Variants in STAT4 observed in about 807,000 individuals in gnomAD.
The protein encoded by STAT4 is signal transducer and activator of transcription 4.
In STAT4, 42 loss-of-function variants were observed where a neutral mutation model predicts 110.5. The ratio of observed to expected loss-of-function variants is 0.38; its 90% confidence interval spans 0.30 to 0.49. The LOEUF (loss-of-function observed/expected upper bound fraction) is 0.49. STAT4 is among the 20% of genes least tolerant of loss of function. STAT4 has a pLI of 0.95. For missense variants in STAT4, 632 were observed against 887.9 expected, an observed-to-expected ratio of 0.71 and a Z score of 3.66; for synonymous variants, 284 against 302.2, an observed-to-expected ratio of 0.94 and a Z score of 0.63.
chr2:191,099,315 AT>A lies in STAT4; in HGVS notation c.274-22991del, dbSNP rs1698095105. On this transcript the variant is annotated intron_variant, in intron 3 of 23. Transcript: ENST00000392320. The surrounding 1 kb of genome is among the most constrained non-coding windows in gnomAD (Gnocchi z 4.1). ...AGGAAAGAAATCTCAAAATATCAGA[AT>A]TTAAAATGCTTATATTTTGACTAGC... Among the ~76,000 whole-genome samples, 1 of 152,160 alleles carries A rather than the reference AT, an allele frequency of 6.6e-6. No individual in the cohort carries two copies. Among genetic ancestry groups the A allele is most frequent in the African/African-American group, 2.4e-5 (1 of 41,464 alleles).
intron 3 of STAT4, among the ~76,000 whole-genome samples, chr2:191,121,245 T>C (rs145111992): frequency 0.11 from 16,729 of 152,134 alleles, 1,155 homozygotes; most frequent in Middle Eastern, 0.2. Flanking sequence ...CCAGTTAGAA[T>C]GGCAATCATT....
rs771795738 is a variant in STAT4, at chr2:191,058,670, C to G, written c.1094+40G>C. On this transcript the variant is annotated intron_variant, in intron 11 of 23. Coordinates refer to ENST00000392320, the MANE Select transcript of STAT4 (RefSeq NM_003151.4). The surrounding 1 kb of genome is among the most constrained non-coding windows in gnomAD (Gnocchi z 4.3). Reference sequence around the variant, plus strand: ...AGGCCATTCATTTTTAAAAGTCTTACATTTGGAATTGTAATTCAAAACGAA... The same window carrying G: ...AGGCCATTCATTTTTAAAAGTCTTAGATTTGGAATTGTAATTCAAAACGAA... 2 of 1,243,338 alleles carry G rather than the reference C, an allele frequency of 1.6e-6. No individual in the cohort carries two copies. Among genetic ancestry groups the G allele is most frequent in the Non-Finnish European group, 2.3e-6 (2 of 865,592 alleles). 77.0% of individuals were successfully genotyped at this position (1,243,338 alleles called of 1,614,324 possible).
chr2:191,127,431 C>A (rs1269478352), intron 3 of STAT4, among the ~76,000 whole-genome samples: 1 of 152,172 alleles, frequency 6.6e-6, no homozygotes, highest in African/African-American at 2.4e-5. Context: ...TATAACCAAC[C>A]CATGTGTTTC....
At position 191,054,463 on chromosome 2, in the gene STAT4, A is replaced by C. The variant is rs1395639141; in HGVS notation, c.1251+27T>G. On this transcript the variant is annotated intron_variant, in intron 14 of 23. Transcript: ENST00000392320. ...ATATTATAAGATCTGTTTCCAGAAA[A>C]ATTCTATAGGAGAAAACATTTCCTA... 5 of 1,590,744 alleles carry C rather than the reference A, an allele frequency of 3.1e-6. No individual in the cohort carries two copies. The African/African-American group carries it at 6.8e-5, about 22-fold the overall frequency.
At chr2:191,040,238 G>C (rs1010633855) in intron 15 of STAT4, among the ~76,000 whole-genome samples, 6 of 152,204 alleles carry the variant, frequency 3.9e-5, no homozygotes, top group African/African-American at 1.4e-4. Context: ...TTCTTTCTTT[G>C]AGTTTAGTGG....
intron 3 of STAT4, among the ~76,000 whole-genome samples, chr2:191,115,924 T>C (rs1698557218): frequency 1.3e-5 from 2 of 152,248 alleles, no homozygotes; most frequent in Admixed American, 1.3e-4. Context: ...TTTCTGACTA[T>C]TCAAGTAGGG....
At chr2:191,071,470 A>C (rs1239691124) in intron 5 of STAT4, among the ~76,000 whole-genome samples, 1 of 152,210 alleles carries the variant, frequency 6.6e-6, no homozygotes, top group Admixed American at 6.5e-5. Flanking sequence ...TTTTGATCTC[A>C]AAATTAATTA....
intron 5 of STAT4, among the ~76,000 whole-genome samples, chr2:191,071,091 C>T (rs1039481014): frequency 6.6e-5 from 10 of 152,156 alleles, no homozygotes; most frequent in Admixed American, 3.9e-4. Flanking sequence ...TGTCTACCCA[C>T]CCGTAGTAAT....
chr2:191,103,668 A>T (rs1698203287), intron 3 of STAT4, among the ~76,000 whole-genome samples: 1 of 152,204 alleles, frequency 6.6e-6, no homozygotes, highest in African/African-American at 2.4e-5. Context: ...CAAGAAAAAC[A>T]AATTAGATTT....
At chr2:191,106,346 G>A (rs939476826) in intron 3 of STAT4, among the ~76,000 whole-genome samples, 7 of 151,718 alleles carry the variant, frequency 4.6e-5, no homozygotes, top group African/African-American at 1.7e-4. Context: ...AAATGTCATG[G>A]TGTAGTGTCT....
intron 16 of STAT4, among the ~76,000 whole-genome samples, chr2:191,038,452 C>T (rs1403328319): frequency 2.0e-5 from 3 of 152,140 alleles, no homozygotes; most frequent in Non-Finnish European, 4.4e-5. Flanking sequence ...GAATTCTTCC[C>T]TTTGGAGGGA....
In STAT4 at chr2:191,030,829, C is replaced by A. The variant is rs1434471770; in HGVS notation, c.2220+143G>T. On this transcript the variant is annotated intron_variant, in intron 23 of 23. Coordinates refer to ENST00000392320, the MANE Select transcript of STAT4 (RefSeq NM_003151.4). The surrounding 1 kb of genome is among the most constrained non-coding windows in gnomAD (Gnocchi z 4.4). The stretch of plus-strand genomic sequence containing the variant: ...AGCAACACGCAGGACCATCCAGACA[C>A]CTTTTGTGTTATGCTCATGAATTTG... The A allele has an allele frequency of 7.1e-6, 5 of 707,570 alleles. No homozygotes were observed. In the Admixed American group the frequency reaches 1.2e-4, roughly 18 times the overall value. The allele number at this position is 707,570 out of a possible 1,614,324, so 43.8% of individuals were successfully genotyped here. A position where few individuals can be genotyped will look rare whatever the true frequency, so the allele number is the denominator to read the frequency against.
At position 191,069,730 on chromosome 2, in the gene STAT4, G is replaced by A. The variant is rs199940585; in HGVS notation, c.507C>T (p.Asp169=). The A allele has an allele frequency of 1.3e-4, 205 of 1,609,290 alleles. 1 individual carries two copies. The highest frequency in any genetic ancestry group is 8.3e-4 in the Middle Eastern group (5 of 6,046). Residue 169 remains aspartate (D), a synonymous_variant, in exon 6 of 24, where the codon GAC becomes GAT. Coordinates refer to ENST00000392320, the MANE Select transcript of STAT4 (RefSeq NM_003151.4). ...QDTKYLEDLQ[D]EFDYRYKTIQ... is the part of the protein sequence containing the mutation. Reference sequence around the variant, plus strand: ...TTGTTTTATACCTGTAGTCAAATTCGTCTTGCAGATCTTCTAAGTATTTGG... The same window carrying A: ...TTGTTTTATACCTGTAGTCAAATTCATCTTGCAGATCTTCTAAGTATTTGG...
chr2:191,093,556 G>A (rs1697868307), intron 3 of STAT4, among the ~76,000 whole-genome samples: 1 of 152,108 alleles, frequency 6.6e-6, no homozygotes, highest in African/African-American at 2.4e-5. Context: ...CAACAAAAAG[G>A]ATATCCACAT....
At chr2:191,137,235 C>T (rs1170282008) in intron 3 of STAT4, among the ~76,000 whole-genome samples, 1 of 151,972 alleles carries the variant, frequency 6.6e-6, no homozygotes, top group East Asian at 1.9e-4. Context: ...CCCAGCTACT[C>T]TTCTCGGGAG....
At chr2:191,057,739 C>T (rs1165020536) in intron 13 of STAT4, among the ~76,000 whole-genome samples, 1 of 151,674 alleles carries the variant, frequency 6.6e-6, no homozygotes, top group East Asian at 1.9e-4. Flanking sequence ...GCTGGGATTA[C>T]AGGCGCCTGC....
At chr2:191,073,718 C>A (rs1697232880) in intron 4 of STAT4, among the ~76,000 whole-genome samples, 1 of 152,120 alleles carries the variant, frequency 6.6e-6, no homozygotes, top group South Asian at 2.1e-4. Flanking sequence ...ACAAGCCCAC[C>A]ATACATAAAT....
rs191803820 is a variant in STAT4 at position 191,149,664 on chromosome 2, C to A, written c.-2+1283G>T. The stretch of plus-strand genomic sequence containing the variant: ...AACCTGAGGTTTCCTGAGTCTGAAC[C>A]ATTTGTTTTTCCAGATATCGGATGT... On this transcript the variant is annotated intron_variant, in intron 1 of 23. Transcript: ENST00000392320. Among the ~76,000 whole-genome samples, 480 of 152,246 alleles carry A rather than the reference C, an allele frequency of 3.2e-3. 1 individual carries two copies. The highest frequency in any genetic ancestry group is 0.011 in the African/African-American group (446 of 41,536).
At position 191,091,437 on chromosome 2, in the gene STAT4, A is replaced by G. The variant is rs1175708179; in HGVS notation, c.274-15112T>C. 1.3e-5 allele frequency among the ~76,000 whole-genome samples: 2 copies of G among 152,228 alleles called. No individual in the cohort carries two copies. Among genetic ancestry groups the G allele is most frequent in the African/African-American group, 2.4e-5 (1 of 41,462 alleles). On this transcript the variant is annotated intron_variant, in intron 3 of 23. Coordinates refer to ENST00000392320, the MANE Select transcript of STAT4 (RefSeq NM_003151.4). The surrounding 1 kb of genome is among the most constrained non-coding windows in gnomAD (Gnocchi z 5.4). ...ACTGAAAACTTTAAAATCTGAGAAG[A>G]CACATTAAAAACATAAATTCTAAAT...
Sources: allele counts gnomAD v4.1 joint callset (sites outside exome capture counted in the v4.1 genomes callset), GRCh38; gene constraint gnomAD v4.1.1; non-coding constraint Gnocchi (gnomAD v3.1); transcripts MANE v1.5; gene names NCBI Gene and HGNC (gene_info 2026-07-23, HGNC 2026-07-21).